TSPAN1: variants seen among roughly 807,000 people sequenced by gnomAD.
The protein encoded by TSPAN1 is tetraspanin-1.
In TSPAN1, 23 loss-of-function variants were observed where a neutral mutation model predicts 26.9. The ratio of observed to expected loss-of-function variants is 0.85; its 90% CI spans 0.62 to 1.21. The LOEUF (loss-of-function observed/expected upper bound fraction) is 1.21. TSPAN1 is among the 50% of genes most tolerant of loss of function. The pLI is 0.00. For synonymous variants in TSPAN1, 115 were observed against 114.8 expected (o/e 1.00, Z -0.01); for missense variants, 283 against 298.4 (o/e 0.95, Z 0.38).
chr1:46,180,398 G>A (rs1407086623), intron 1 of TSPAN1, 128 bp from the exon 2 acceptor site: 1 of 152,542 alleles, frequency 6.6e-6, no homozygotes, highest in African/African-American at 2.4e-5. Flanking sequence ...GAGGCCTGCT[G>A]AGGCAGTGGT....
In TSPAN1 at chr1:46,185,879, C is replaced by A; in HGVS notation, c.*346C>A. 2.9e-6 allele frequency: 1 copy of A among 345,094 alleles called. No individual in the cohort carries two copies. Among genetic ancestry groups the A allele is most frequent in the Non-Finnish European group, 5.3e-6 (1 of 187,592 alleles). 21.4% of individuals were successfully genotyped at this position (345,094 alleles called of 1,614,324 possible). A position where few individuals can be genotyped will look rare whatever the true frequency, so the allele number is the denominator to read the frequency against. On this transcript the variant is annotated 3_prime_UTR_variant, in exon 9 of 9. Transcript: ENST00000372003. ...GGATGAGAGAAAGGCATTTTATAGC[C>A]TGGGCATAAGTGAAATCAGCAGAGC...
At chr1:46,185,418 G>A in intron 8 of TSPAN1, 68 bp from the exon 9 acceptor site, 4 of 1,609,060 alleles carry the variant, frequency 2.5e-6, no homozygotes, top group Non-Finnish European at 3.4e-6. Flanking sequence ...CTCAGGTAGG[G>A]TGTCTGTGGG....
intron 1 of TSPAN1, among the ~76,000 whole-genome samples, chr1:46,178,865 G>T (rs1657246899): frequency 6.6e-6 from 1 of 152,134 alleles, no homozygotes; most frequent in Admixed American, 6.5e-5. Flanking sequence ...ATGGAGATCA[G>T]AAAGTCTATC....
intron 6 of TSPAN1, 36 bp from the exon 7 acceptor site, chr1:46,184,924 A>C: frequency 6.2e-7 from 1 of 1,614,102 alleles, no homozygotes; most frequent in Non-Finnish European, 8.5e-7. Context: ...GAGAGAAAGA[A>C]GCAAGGCCCC....
chr1:46,194,649 G>C, the TSPAN1 span: 3 of 1,614,244 alleles, frequency 1.9e-6, no homozygotes, highest in Non-Finnish European at 2.5e-6. Flanking sequence ...CCGAAGACAG[G>C]ACCTGGCAGG....
At position 46,184,843 on chromosome 1, in the gene TSPAN1, A is replaced by C. The variant is rs540727697; in HGVS notation, c.398A>C (p.Gln133Pro). 8.1e-6 allele frequency: 13 copies of C among 1,614,222 alleles called. No homozygotes were observed. The African/African-American group carries it at 1.6e-4, about 20-fold the overall frequency. ...GCCATCAAGAAAGATTATGGTTCCC[A>C]GGAAGACTTCACTCAAGTGTGGAAC... Reference protein sequence around the residue: ...VPAIKKDYGSQEDFTQVWNTT... With the variant: ...VPAIKKDYGSPEDFTQVWNTT... Residue 133 changes from glutamine to proline, a missense_variant, in exon 6 of 9, where the codon CAG (glutamine) becomes CCG (proline). Coordinates refer to ENST00000372003, the MANE Select transcript of TSPAN1 (RefSeq NM_005727.4).
At chr1:46,190,615 C>T (rs1036658649), downstream of TSPAN1, 24 of 1,532,630 alleles carry the variant, frequency 1.6e-5, no homozygotes, top group African/African-American at 1.9e-4. Context: ...AATCTGTAGC[C>T]GCAGGGCTGG....
chr1:46,187,232 G>A (rs1284434978), downstream of TSPAN1, among the ~76,000 whole-genome samples: 2 of 152,154 alleles, frequency 1.3e-5, no homozygotes, highest in Admixed American at 6.5e-5. Context: ...CTAGATTTGG[G>A]CCCAGAACTC....
At chr1:46,178,855 A>T (rs1449465597) in intron 1 of TSPAN1, among the ~76,000 whole-genome samples, 1 of 152,232 alleles carries the variant, frequency 6.6e-6, no homozygotes, top group Non-Finnish European at 1.5e-5. Flanking sequence ...ATATTTAAAA[A>T]TGGAGATCAG....
At chr1:46,176,219 C>G in intron 1 of TSPAN1, 1 of 1,534,926 alleles carries the variant, frequency 6.5e-7, no homozygotes, top group Non-Finnish European at 8.7e-7. Context: ...CACAGGCCCC[C>G]TGGCTAACCT....
At chr1:46,193,047 T>C in the TSPAN1 span, 1 of 1,602,926 alleles carries the variant, frequency 6.2e-7, no homozygotes, top group South Asian at 1.1e-5. Flanking sequence ...GCAGGCAGCA[T>C]TACCCCCATT....
At chr1:46,196,115 T>C in the TSPAN1 span, 1 of 1,613,550 alleles carries the variant, frequency 6.2e-7, no homozygotes. This position sits in a 1 kb window ranked among gnomAD's most constrained non-coding sequence, Gnocchi z 4.4. Context: ...CTTTTCACTC[T>C]GGCATTCAAG....
At chr1:46,188,778 T>C (rs1409443443), downstream of TSPAN1, 3 of 1,612,764 alleles carry the variant, frequency 1.9e-6, no homozygotes, top group Non-Finnish European at 2.5e-6. Flanking sequence ...GTCCAGTGTC[T>C]AAGGGTCTCT....
chr1:46,176,739 T>C (rs1171277539), intron 1 of TSPAN1, among the ~76,000 whole-genome samples: 1 of 152,262 alleles, frequency 6.6e-6, no homozygotes, highest in Non-Finnish European at 1.5e-5. Context: ...CACTTATCCA[T>C]ATAGTAACAA....
chr1:46,193,588 TG>T, the TSPAN1 span: 2 of 1,614,130 alleles, frequency 1.2e-6, no homozygotes, highest in Non-Finnish European at 1.7e-6. Context: ...CAATGAAAAC[TG>T]TTATCATCTG....
At chr1:46,191,754 C>T in the TSPAN1 span, 1 of 352,484 alleles carries the variant, frequency 2.8e-6, no homozygotes, top group Non-Finnish European at 5.5e-6. Flanking sequence ...CCTGCCTCAG[C>T]CTCCCAAGTA....
chr1:46,176,846 T>A lies in TSPAN1; in HGVS notation c.-142+1437T>A, dbSNP rs139910531. 1.1e-4 allele frequency among the ~76,000 whole-genome samples: 17 copies of A among 152,382 alleles called. 1 individual carries two copies. The highest frequency in any genetic ancestry group is 4.1e-4 in the African/African-American group (17 of 41,588). ...TTTAATCTCAGCTACTTTACAAGGA[T>A]ATGCCATCATTATACCTATTTATAT... On this transcript the variant is annotated intron_variant, in intron 1 of 8. Transcript: ENST00000372003.
intron 1 of TSPAN1, chr1:46,175,750 C>G (rs1376453019): frequency 5.0e-6 from 2 of 403,008 alleles, no homozygotes; most frequent in Non-Finnish European, 8.7e-6. Context: ...TCCATTAAGG[C>G]TGTCAGCACT....
Position 46,185,673 on chromosome 1 carries a change from C to G in TSPAN1, c.*140C>G. 1 of 968,778 alleles carries G rather than the reference C, an allele frequency of 1.0e-6. No homozygotes were observed. The highest frequency in any genetic ancestry group is 1.6e-6 in the Non-Finnish European group (1 of 631,346). 60.0% of individuals were successfully genotyped at this position (968,778 alleles called of 1,614,324 possible). On this transcript the variant is annotated 3_prime_UTR_variant, in exon 9 of 9. Transcript: ENST00000372003. ...ATGGACCTGCCCTTTCTGCTCCAGACTTGGGGCTAGATAGGGACCACTCCT... is the reference window on the plus strand; with the variant it reads ...ATGGACCTGCCCTTTCTGCTCCAGAGTTGGGGCTAGATAGGGACCACTCCT...
Sources: allele counts gnomAD v4.1 joint callset (sites outside exome capture counted in the v4.1 genomes callset), GRCh38; gene constraint gnomAD v4.1.1; non-coding constraint Gnocchi (gnomAD v3.1); transcripts MANE v1.5; gene names NCBI Gene and HGNC (gene_info 2026-07-23, HGNC 2026-07-21).